Variants in CTNNA3 observed in about 807,000 individuals in gnomAD.
CTNNA3 encodes the protein catenin alpha-3.
CTNNA3 carries 76 observed loss-of-function variants against 95.7 expected under a neutral mutation model. That is an observed-to-expected ratio of 0.79 (90% CI 0.66 to 0.96). CTNNA3 has a LOEUF of 0.96. CTNNA3 is among the 40% of genes least tolerant of loss of function. The pLI, the probability that CTNNA3 is intolerant of heterozygous loss-of-function variation, is 0.00. For synonymous variants in CTNNA3, 431 were observed against 374.4 expected (o/e 1.15, Z -1.74); for missense variants, 1,191 against 1,089.8 (o/e 1.09, Z -1.31).
intron 9 of CTNNA3, among the ~76,000 whole-genome samples, chr10:66,685,221 A>ATACATATACGTATATATGTGTG (rs1847220933): frequency 8.2e-6 from 1 of 122,332 alleles, no homozygotes; most frequent in Non-Finnish European, 1.6e-5. Context: ...ATATATGTGT[A>ATACATATACGTATATATGTGTG]TATATATACG....
chr10:67,435,320 T>G (rs778992960), intron 5 of CTNNA3, among the ~76,000 whole-genome samples: 1 of 151,892 alleles, frequency 6.6e-6, no homozygotes, highest in Non-Finnish European at 1.5e-5. Context: ...AAAGACTGAA[T>G]TTGAACATAC....
chr10:66,504,651 C>T (rs1840389788), intron 11 of CTNNA3, among the ~76,000 whole-genome samples: 2 of 152,068 alleles, frequency 1.3e-5, no homozygotes, highest in Non-Finnish European at 2.9e-5. Flanking sequence ...ATAAAATATC[C>T]TAAAGGATTC....
At chr10:67,308,573 T>A (rs1338003698) in intron 5 of CTNNA3, among the ~76,000 whole-genome samples, 2 of 151,988 alleles carry the variant, frequency 1.3e-5, no homozygotes, top group African/African-American at 4.8e-5. Context: ...AATACATACA[T>A]CTTTGAGACA....
intron 12 of CTNNA3, among the ~76,000 whole-genome samples, chr10:66,332,501 T>C (rs535478513): frequency 6.6e-6 from 1 of 152,184 alleles, no homozygotes; most frequent in East Asian, 1.9e-4. Flanking sequence ...GTTTTTGTCA[T>C]TGGTTCTGTT....
intron 7 of CTNNA3, among the ~76,000 whole-genome samples, chr10:66,947,619 C>T (rs867106074): frequency 2.0e-5 from 3 of 152,242 alleles, no homozygotes; most frequent in South Asian, 4.1e-4. Flanking sequence ...GTTTCTAGGA[C>T]TTCATAATTT....
chr10:66,941,494 T>C (rs1847991863), intron 7 of CTNNA3, among the ~76,000 whole-genome samples: 1 of 152,172 alleles, frequency 6.6e-6, no homozygotes, highest in African/African-American at 2.4e-5. Context: ...AACGCAGGAA[T>C]CTTCACCTCT....
At chr10:66,425,177 G>A (rs1396221292) in intron 11 of CTNNA3, among the ~76,000 whole-genome samples, 1 of 151,644 alleles carries the variant, frequency 6.6e-6, no homozygotes, top group Non-Finnish European at 1.5e-5. Flanking sequence ...TTTGACACAA[G>A]TTTTAGTATT....
intron 3 of CTNNA3, among the ~76,000 whole-genome samples, chr10:67,583,818 A>G (rs1340943123): frequency 6.6e-6 from 1 of 152,056 alleles, no homozygotes; most frequent in Non-Finnish European, 1.5e-5. Context: ...TTGATCTTCA[A>G]TCGCTGATAC....
intron 13 of CTNNA3, among the ~76,000 whole-genome samples, chr10:66,173,983 C>A (rs768660606): frequency 7.9e-5 from 12 of 152,124 alleles, no homozygotes; most frequent in Non-Finnish European, 1.5e-4. Flanking sequence ...ACTTCAAAAT[C>A]CGTGTCCCTA....
intron 12 of CTNNA3, among the ~76,000 whole-genome samples, chr10:66,349,591 C>A (rs535690471): frequency 1.3e-5 from 2 of 152,078 alleles, no homozygotes; most frequent in Admixed American, 6.6e-5. Flanking sequence ...TTCACAACTA[C>A]GCTAACTTTT....
chr10:66,182,279 G>GTT (rs1196898279), intron 13 of CTNNA3, among the ~76,000 whole-genome samples: 45 of 142,414 alleles, frequency 3.2e-4, no homozygotes, highest in African/African-American at 1.1e-3. Context: ...TTTTTGAGAC[G>GTT]GAGTCTCGCT....
In CTNNA3 at chr10:66,517,491, A is replaced by T. The variant is rs555305282; in HGVS notation, c.1531+3126T>A. Among the ~76,000 whole-genome samples the T allele has an allele frequency of 3.9e-5, 6 of 152,184 alleles. No homozygotes were observed. In the South Asian group the frequency reaches 1.2e-3, roughly 32 times the overall value. Reference sequence around the variant, plus strand: ...ATGGCCACAAGAGTGACCTCTGCTCATCCTCACTACTACACTGCCATCAGC... The same window carrying T: ...ATGGCCACAAGAGTGACCTCTGCTCTTCCTCACTACTACACTGCCATCAGC... On this transcript the variant is annotated intron_variant, in intron 11 of 17. Transcript: ENST00000433211.
At chr10:67,502,732 C>T (rs2133107070) in intron 5 of CTNNA3, among the ~76,000 whole-genome samples, 1 of 152,314 alleles carries the variant, frequency 6.6e-6, no homozygotes, top group South Asian at 2.1e-4. Context: ...GTGGGCTCCA[C>T]CCAGTTCAAA....
chr10:66,247,247 T>G (rs566013174), intron 13 of CTNNA3, among the ~76,000 whole-genome samples: 3 of 152,028 alleles, frequency 2.0e-5, no homozygotes, highest in Non-Finnish European at 2.9e-5. Flanking sequence ...TGTCTTGTGG[T>G]TTGAGTGCCA....
intron 11 of CTNNA3, among the ~76,000 whole-genome samples, chr10:66,442,453 G>A (rs963046338): frequency 6.6e-6 from 1 of 152,006 alleles, no homozygotes; most frequent in South Asian, 2.1e-4. Context: ...ATATATTTTG[G>A]AGCAGTACAA....
chr10:66,085,820 T>A (rs1035709735), intron 14 of CTNNA3, among the ~76,000 whole-genome samples: 2 of 152,018 alleles, frequency 1.3e-5, no homozygotes, highest in Admixed American at 6.6e-5. Context: ...CTTCCTTCTA[T>A]ATGCAATGGA....
At chr10:66,944,299 T>C (rs1289824266) in intron 7 of CTNNA3, among the ~76,000 whole-genome samples, 1 of 152,210 alleles carries the variant, frequency 6.6e-6, no homozygotes, top group African/African-American at 2.4e-5. Context: ...GACAACTTTC[T>C]CTGTTCATCC....
chr10:66,297,941 T>A (rs2091805514), intron 12 of CTNNA3, among the ~76,000 whole-genome samples: 1 of 152,208 alleles, frequency 6.6e-6, no homozygotes, highest in African/African-American at 2.4e-5. Flanking sequence ...TTACTCTGGC[T>A]TTCAGAATTT....
chr10:66,111,067 C>T (rs988825941), intron 13 of CTNNA3, among the ~76,000 whole-genome samples: 5 of 152,100 alleles, frequency 3.3e-5, no homozygotes, highest in Admixed American at 2.6e-4. Flanking sequence ...ATTTGTGCTC[C>T]GGACAAAATC....
Sources: allele counts gnomAD v4.1 joint callset (sites outside exome capture counted in the v4.1 genomes callset), GRCh38; gene constraint gnomAD v4.1.1; transcripts MANE v1.5; gene names NCBI Gene and HGNC (gene_info 2026-07-23, HGNC 2026-07-21).